DOCK2: variants seen among roughly 807,000 people sequenced by gnomAD.
The protein encoded by DOCK2 is dedicator of cytokinesis 2.
In DOCK2, 87 loss-of-function variants were observed where a neutral mutation model predicts 248.9. The observed-to-expected ratio is 0.35, with a 90% CI of 0.29 to 0.42. DOCK2 has a LOEUF of 0.42. Ranked by LOEUF, DOCK2 falls within the 10% of genes least tolerant of loss-of-function variation. DOCK2 has a pLI of 1.00. For missense variants in DOCK2, 1,747 were observed against 2,300.2 expected (o/e 0.76, Z 4.92); for synonymous variants, 805 against 821.6 (o/e 0.98, Z 0.35).
chr5:169,992,877 A>G (rs946365790), intron 29 of DOCK2, among the ~76,000 whole-genome samples: 5 of 152,238 alleles, frequency 3.3e-5, no homozygotes, highest in African/African-American at 4.8e-5. Context: ...GTGTGTGGCT[A>G]TGAAAGACTC....
chr5:170,054,041 G>T (rs200447136), intron 41 of DOCK2, among the ~76,000 whole-genome samples: 1 of 146,022 alleles, frequency 6.8e-6, no homozygotes, highest in African/African-American at 2.6e-5. Flanking sequence ...GGGGTGAATT[G>T]TTTTCATGGA....
chr5:169,969,516 A>G (rs965682615), intron 27 of DOCK2, among the ~76,000 whole-genome samples: 4 of 152,254 alleles, frequency 2.6e-5, no homozygotes, highest in African/African-American at 7.2e-5. Flanking sequence ...TGGCTTTTGC[A>G]AATACCAAAT....
rs553454799 is a variant in DOCK2 at position 169,979,116 on chromosome 5, G to C, written c.2800-3952G>C. On this transcript the variant is annotated intron_variant, in intron 27 of 51. Coordinates refer to ENST00000520908, the MANE Select transcript of DOCK2 (RefSeq NM_004946.3). Reference sequence around the variant, plus strand: ...TTTCTGCCCGGGATGAAAAGAGGGGGATTCTTGCTAGCCTGGAGACTGCAA... The same window carrying C: ...TTTCTGCCCGGGATGAAAAGAGGGGCATTCTTGCTAGCCTGGAGACTGCAA... Among the ~76,000 whole-genome samples, 7 of 152,288 alleles carry C rather than the reference G, an allele frequency of 4.6e-5. No individual in the cohort carries two copies. The East Asian group carries it at 1.4e-3, about 29-fold the overall frequency.
chr5:169,734,995 C>G (rs1468096346), intron 22 of DOCK2, among the ~76,000 whole-genome samples: 1 of 152,166 alleles, frequency 6.6e-6, no homozygotes, highest in African/African-American at 2.4e-5. Flanking sequence ...ACTTTCTTGA[C>G]AGTTTAGTGA....
chr5:170,020,485 G>T (rs1476144760), intron 33 of DOCK2, among the ~76,000 whole-genome samples: 1 of 152,128 alleles, frequency 6.6e-6, no homozygotes, highest in African/African-American at 2.4e-5. Context: ...ACTGACTTTA[G>T]ATATTTACTA....
intron 9 of DOCK2, among the ~76,000 whole-genome samples, chr5:169,693,334 C>CA (rs1183550214): frequency 6.6e-6 from 1 of 152,024 alleles, no homozygotes; most frequent in East Asian, 1.9e-4. Flanking sequence ...ATCTTTGTGA[C>CA]AAAAATAACC....
intron 25 of DOCK2, among the ~76,000 whole-genome samples, chr5:169,782,141 C>T (rs1026805071): frequency 6.6e-6 from 1 of 152,048 alleles, no homozygotes; most frequent in Admixed American, 6.6e-5. Context: ...GGGACTACAG[C>T]GAGTTGCAAA....
chr5:169,910,281 C>T (rs536814977), intron 27 of DOCK2, among the ~76,000 whole-genome samples: 19 of 152,250 alleles, frequency 1.2e-4, no homozygotes, highest in African/African-American at 3.9e-4. Context: ...TGTTCCAAGC[C>T]GGTTACCACC....
intron 27 of DOCK2, among the ~76,000 whole-genome samples, chr5:169,902,378 G>T (rs1486794328): frequency 6.6e-6 from 1 of 152,188 alleles, no homozygotes; most frequent in Non-Finnish European, 1.5e-5. Flanking sequence ...GAAAGCTGAG[G>T]CACAAAGAAG....
chr5:169,759,629 G>C, intron 23 of DOCK2, 76 bp from the exon 24 acceptor site: 1 of 1,492,340 alleles, frequency 6.7e-7, no homozygotes, highest in South Asian at 1.1e-5. Context: ...TCTGTGTCAT[G>C]CTGCAAAGTA....
chr5:169,884,568 T>C (rs1772860842), intron 27 of DOCK2: 1 of 152,214 alleles, frequency 6.6e-6, no homozygotes, highest in Admixed American at 6.5e-5. Context: ...TGTCTCTCTT[T>C]TCTTCAGTGA....
chr5:169,955,650 G>T (rs562563578), intron 27 of DOCK2, among the ~76,000 whole-genome samples: 2 of 152,310 alleles, frequency 1.3e-5, no homozygotes, highest in African/African-American at 2.4e-5. Flanking sequence ...GGAGAAGAAG[G>T]CAGGCAAACC....
intron 27 of DOCK2, among the ~76,000 whole-genome samples, chr5:169,868,995 G>A (rs189259459): frequency 1.1e-3 from 164 of 152,182 alleles, no homozygotes; most frequent in Non-Finnish European, 1.9e-3. Flanking sequence ...CTCTTCCCAC[G>A]GCTCAGTTGA....
chr5:169,841,916 T>C (rs1324533833), intron 27 of DOCK2, among the ~76,000 whole-genome samples: 4 of 152,234 alleles, frequency 2.6e-5, no homozygotes, highest in African/African-American at 9.6e-5. Flanking sequence ...ACTTGGCATA[T>C]AGCAGGTGCT....
chr5:169,678,008 T>G lies in DOCK2; in HGVS notation c.470+3563T>G, dbSNP rs766549020. Among the ~76,000 whole-genome samples, 94 of 152,212 alleles carry G rather than the reference T, an allele frequency of 6.2e-4. 1 individual carries two copies. The highest frequency in any genetic ancestry group is 9.4e-4 in the Non-Finnish European group (64 of 68,032). On this transcript the variant is annotated intron_variant, in intron 6 of 51. Coordinates refer to ENST00000520908, the MANE Select transcript of DOCK2 (RefSeq NM_004946.3). ...GGTGCCATCTTGACAGTGGCCAGGCTGTAGATGATCCATCTTGAGGCAGTC... is the reference window on the plus strand; with the variant it reads ...GGTGCCATCTTGACAGTGGCCAGGCGGTAGATGATCCATCTTGAGGCAGTC...
At chr5:170,013,795 A>T (rs145479933) in intron 32 of DOCK2, among the ~76,000 whole-genome samples, 442 of 152,270 alleles carry the variant, frequency 2.9e-3, no homozygotes, top group Non-Finnish European at 5.1e-3. Context: ...GTAGGAAACT[A>T]ACACACACAT....
chr5:169,991,344 A>T (rs373965457), intron 29 of DOCK2, among the ~76,000 whole-genome samples: 3 of 152,218 alleles, frequency 2.0e-5, no homozygotes, highest in East Asian at 3.8e-4. Context: ...TGAGGGTAGC[A>T]AGCCTGGGTT....
At chr5:169,842,825 T>C (rs1251252307) in intron 27 of DOCK2, among the ~76,000 whole-genome samples, 1 of 152,200 alleles carries the variant, frequency 6.6e-6, no homozygotes, top group African/African-American at 2.4e-5. Flanking sequence ...TCTTTTGCAT[T>C]ATCAACATAG....
intron 35 of DOCK2, among the ~76,000 whole-genome samples, chr5:170,036,243 A>C (rs1756319304): frequency 6.6e-6 from 1 of 152,118 alleles, no homozygotes; most frequent in South Asian, 2.1e-4. Flanking sequence ...AAAACACTGA[A>C]CTGCCCCTCC....
Sources: gnomAD v4.1 joint callset for allele counts (sites outside exome capture counted in the v4.1 genomes callset) on GRCh38, gnomAD v4.1.1 for gene constraint, MANE v1.5 for transcripts, NCBI Gene and HGNC (gene_info 2026-07-23, HGNC 2026-07-21) for gene names.